The following HMGCLL1 variants were observed in gnomAD, a reference collection of about 807,000 sequenced individuals.
The protein encoded by HMGCLL1 is 3-hydroxy-3-methylglutaryl-CoA lyase like 1.
A neutral mutation model predicts 39.1 loss-of-function variants in HMGCLL1; 36 were observed. That is an observed-to-expected ratio of 0.92 (90% confidence interval 0.71 to 1.22). HMGCLL1 has a LOEUF of 1.22. HMGCLL1 is among the 50% of genes most tolerant of loss of function. The pLI, the probability that HMGCLL1 is intolerant of heterozygous loss-of-function variation, is 0.00. For synonymous variants in HMGCLL1, 149 were observed against 144.0 expected, an observed-to-expected ratio of 1.03 and a Z score of -0.25; for missense variants, 451 against 416.5, an observed-to-expected ratio of 1.08 and a Z score of -0.72.
chr6:55,471,585 C>A (rs1765048000), intron 7 of HMGCLL1, among the ~76,000 whole-genome samples: 1 of 151,624 alleles, frequency 6.6e-6, no homozygotes, highest in African/African-American at 2.4e-5. Flanking sequence ...TTTAAATTTG[C>A]ATTTTTCAGA....
chr6:55,462,333 C>G (rs1764606650), intron 7 of HMGCLL1, among the ~76,000 whole-genome samples: 1 of 152,074 alleles, frequency 6.6e-6, no homozygotes, highest in Non-Finnish European at 1.5e-5. Context: ...TCCTTCCTTC[C>G]TATGCTCACC....
rs78033834 is a variant in HMGCLL1, at chr6:55,541,350, T to C, written c.297+379A>G. Among the ~76,000 whole-genome samples the C allele has an allele frequency of 2.6e-4, 39 of 152,294 alleles. No homozygotes were observed. The East Asian group carries it at 7.5e-3, about 29-fold the overall frequency. On this transcript the variant is annotated intron_variant, in intron 3 of 8. Coordinates refer to ENST00000274901, the MANE Select transcript of HMGCLL1 (RefSeq NM_001042406.2). ...TTTCTCACTCTTCAATATGGGATTC[T>C]AGAAGGAAGCTATCAGGCTACTTAT...
the HMGCLL1 span, among the ~76,000 whole-genome samples, chr6:55,623,581 G>A: frequency 2.0e-5 from 3 of 151,184 alleles, no homozygotes; most frequent in African/African-American, 7.3e-5. Context: ...CCACAATGGA[G>A]CACCCAGATA....
the HMGCLL1 span, among the ~76,000 whole-genome samples, chr6:55,610,349 T>G: frequency 6.6e-6 from 1 of 151,898 alleles, no homozygotes; most frequent in Non-Finnish European, 1.5e-5. Flanking sequence ...AATGACCTGA[T>G]GGAGGTGAAA....
chr6:55,631,119 G>T, the HMGCLL1 span, among the ~76,000 whole-genome samples: 1 of 151,784 alleles, frequency 6.6e-6, no homozygotes, highest in Non-Finnish European at 1.5e-5. Flanking sequence ...TCTTGTACTT[G>T]AATATTAATA....
chr6:55,527,763 A>C (rs1215041327), intron 3 of HMGCLL1, among the ~76,000 whole-genome samples: 4 of 152,070 alleles, frequency 2.6e-5, no homozygotes, highest in Non-Finnish European at 5.9e-5. Context: ...AGTTTCACTG[A>C]TAAAAACTAA....
chr6:55,566,848 A>C (rs1771243563), intron 1 of HMGCLL1, among the ~76,000 whole-genome samples: 1 of 152,124 alleles, frequency 6.6e-6, no homozygotes, highest in South Asian at 2.1e-4. Flanking sequence ...ATAAATAAGA[A>C]CTAAAGCTAC....
intron 1 of HMGCLL1, among the ~76,000 whole-genome samples, chr6:55,565,320 T>A (rs974485841): frequency 3.9e-5 from 6 of 152,074 alleles, no homozygotes; most frequent in African/African-American, 1.4e-4. Context: ...AAAAATTATG[T>A]AAAGCCTTCA....
rs577406597 is a variant in HMGCLL1, at chr6:55,446,198, C to A, written c.796-6639G>T. On this transcript the variant is annotated intron_variant, in intron 7 of 8. Transcript: ENST00000274901. ...TAATGAGAAGCAACTGTTATTAGTG[C>A]TCAGGGAACCAATGTTTTCTAAATT... Among the ~76,000 whole-genome samples, 5 of 150,426 alleles carry A rather than the reference C, an allele frequency of 3.3e-5. No homozygotes were observed. The East Asian group carries it at 9.7e-4, about 29-fold the overall frequency.
the HMGCLL1 span, among the ~76,000 whole-genome samples, chr6:55,594,813 G>A: frequency 1.8e-4 from 28 of 152,224 alleles, no homozygotes; most frequent in African/African-American, 6.5e-4. Context: ...GTCAGGACAC[G>A]AATCCTCTTA....
chr6:55,469,581 G>C (rs1764956491), intron 7 of HMGCLL1, among the ~76,000 whole-genome samples: 1 of 151,158 alleles, frequency 6.6e-6, no homozygotes, highest in Non-Finnish European at 1.5e-5. Context: ...GGAATTGCTT[G>C]AGCAAGGATG....
intron 1 of HMGCLL1, chr6:55,577,184 C>T: frequency 6.4e-7 from 1 of 1,561,236 alleles, no homozygotes; most frequent in Non-Finnish European, 8.7e-7. Flanking sequence ...AGATAAAGTT[C>T]AAAAAGCCAA....
chr6:55,444,154 GA>G (rs1471529924), intron 7 of HMGCLL1, among the ~76,000 whole-genome samples: 2 of 151,966 alleles, frequency 1.3e-5, no homozygotes, highest in African/African-American at 2.4e-5. Flanking sequence ...AGTGTTATTG[GA>G]ACTGAAGGTA....
chr6:55,514,384 C>A (rs1767628996), intron 4 of HMGCLL1, among the ~76,000 whole-genome samples, 188 bp from the exon 5 acceptor site: 1 of 152,086 alleles, frequency 6.6e-6, no homozygotes, highest in African/African-American at 2.4e-5. Context: ...TTTGTAATAA[C>A]AGAATAATCC....
At chr6:55,558,622 T>C (rs1451169719) in intron 1 of HMGCLL1, among the ~76,000 whole-genome samples, 2 of 152,144 alleles carry the variant, frequency 1.3e-5, no homozygotes, top group Non-Finnish European at 2.9e-5. Flanking sequence ...TCCATGTGAA[T>C]ATGATGACCA....
At chr6:55,628,695 C>G in the HMGCLL1 span, among the ~76,000 whole-genome samples, 2 of 152,030 alleles carry the variant, frequency 1.3e-5, no homozygotes, top group South Asian at 4.1e-4. Flanking sequence ...TGAATTCCCA[C>G]GTGTTGTGGG....
the HMGCLL1 span, among the ~76,000 whole-genome samples, chr6:55,603,886 T>TTTCTCGCA: frequency 6.6e-6 from 1 of 152,152 alleles, no homozygotes; most frequent in Non-Finnish European, 1.5e-5. Flanking sequence ...AAGCAGTGGT[T>TTTCTCGCA]TTCTCGCATA....
At chr6:55,573,692 G>T (rs1395945538) in intron 1 of HMGCLL1, among the ~76,000 whole-genome samples, 1 of 151,982 alleles carries the variant, frequency 6.6e-6, no homozygotes, top group Non-Finnish European at 1.5e-5. Flanking sequence ...AACAAATAAG[G>T]CACAGAGAAA....
the HMGCLL1 span, among the ~76,000 whole-genome samples, chr6:55,661,339 A>G: frequency 6.6e-6 from 1 of 151,812 alleles, no homozygotes; most frequent in African/African-American, 2.4e-5. Flanking sequence ...CAGAGTTTTT[A>G]TAGTTTTGGG....
Sources: allele counts gnomAD v4.1 joint callset (sites outside exome capture counted in the v4.1 genomes callset), GRCh38; gene constraint gnomAD v4.1.1; transcripts MANE v1.5; gene names NCBI Gene and HGNC (gene_info 2026-07-23, HGNC 2026-07-21).